DKK4: variants seen among roughly 807,000 people sequenced by gnomAD.
DKK4 encodes dickkopf Wnt signaling pathway inhibitor 4.
DKK4 carries 15 observed loss-of-function variants against 14.5 expected under a neutral mutation model. The observed-to-expected ratio is 1.03, with a 90% confidence interval of 0.69 to 1.59. The LOEUF is 1.59. DKK4 is among the 40% of genes most tolerant of loss of function. The pLI is 0.00. For missense variants in DKK4, 272 were observed against 280.3 expected, an observed-to-expected ratio of 0.97 and a Z score of 0.21; for synonymous variants, 89 against 105.2, an observed-to-expected ratio of 0.85 and a Z score of 0.94.
upstream of DKK4, among the ~76,000 whole-genome samples, chr8:42,379,799 G>A (rs1030735754): frequency 2.6e-5 from 4 of 152,030 alleles, no homozygotes; most frequent in African/African-American, 4.8e-5. Context: ...GTGTGGCTGC[G>A]GCAGATGATG....
At chr8:42,375,370 A>C (rs1288285697) in intron 2 of DKK4, among the ~76,000 whole-genome samples, 3 of 152,064 alleles carry the variant, frequency 2.0e-5, no homozygotes, top group Non-Finnish European at 2.9e-5. Context: ...GTGAAACCCT[A>C]TCTCTACTAA....
At chr8:42,380,062 C>A (rs553962355), upstream of DKK4, among the ~76,000 whole-genome samples, 80 of 152,134 alleles carry the variant, frequency 5.3e-4, 1 homozygote, top group Non-Finnish European at 1.0e-3. Context: ...CCTGGGCATG[C>A]CAGCACTTGC....
In DKK4 at chr8:42,374,825, C is replaced by T. The variant is rs1268905669; in HGVS notation, c.351G>A (p.Gly117=). The stretch of plus-strand genomic sequence containing the variant: ...TGGGTTGGTTTTCCTGGACTGGGTG[C>T]CCAGTTGTTCCTTCTGCATGTGTGC... ...QDGTHAEGTT[G]HPVQENQPKR... Residue 117 remains glycine (G), a synonymous_variant, in exon 3 of 4, where the codon GGG becomes GGA. Transcript: ENST00000220812. 3 of 1,614,172 alleles carry T rather than the reference C, an allele frequency of 1.9e-6. No homozygotes were observed. Among genetic ancestry groups the T allele is most frequent in the East Asian group, 2.2e-5 (1 of 44,882 alleles).
At chr8:42,385,432 G>T in the DKK4 span, among the ~76,000 whole-genome samples, 2 of 152,066 alleles carry the variant, frequency 1.3e-5, no homozygotes, top group East Asian at 3.9e-4. Flanking sequence ...ACACAAATTA[G>T]ATTCTGACTT....
rs142986794 is a variant in DKK4 at position 42,375,719 on chromosome 8, G to T, written c.223C>A (p.Arg75=). The T allele has an allele frequency of 1.9e-5, 30 of 1,613,662 alleles. No homozygotes were observed. The highest frequency in any genetic ancestry group is 2.2e-5 in the Non-Finnish European group (26 of 1,180,024). The change falls in exon 2 of 4, where the codon CGA becomes AGA. Residue 75 remains arginine (R), a synonymous_variant. Transcript: ENST00000220812. ...GTCCCAGGGCAGCACATGGCATCTC[G>T]CTGGCACCTCCTCCGCAACCCACGA... ...TCRGLRRRCQ[R]DAMCCPGTLC...
chr8:42,381,166 G>A (rs1824673468), upstream of DKK4, among the ~76,000 whole-genome samples: 1 of 151,882 alleles, frequency 6.6e-6, no homozygotes, highest in African/African-American at 2.4e-5. Flanking sequence ...GGAGTCTGAA[G>A]TTCGAGCTGC....
At chr8:42,382,000 A>G (rs768112345), upstream of DKK4, among the ~76,000 whole-genome samples, 38 of 152,194 alleles carry the variant, frequency 2.5e-4, no homozygotes, top group Admixed American at 7.9e-4. Flanking sequence ...CCATCTAAAA[A>G]ACAAAAACAA....
intron 1 of DKK4, among the ~76,000 whole-genome samples, chr8:42,376,138 T>C (rs553368426): frequency 5.3e-5 from 8 of 152,344 alleles, no homozygotes; most frequent in African/African-American, 1.9e-4. Flanking sequence ...CAGGTGAGTA[T>C]GAGATTTTCA....
At chr8:42,385,922 A>T in the DKK4 span, among the ~76,000 whole-genome samples, 3 of 152,256 alleles carry the variant, frequency 2.0e-5, no homozygotes, top group African/African-American at 7.2e-5. Context: ...CTATGCAGTC[A>T]TGTATACATA....
At chr8:42,389,733 G>A in the DKK4 span, among the ~76,000 whole-genome samples, 1 of 152,072 alleles carries the variant, frequency 6.6e-6, no homozygotes, top group Non-Finnish European at 1.5e-5. Context: ...GTTCCACCTC[G>A]ATTAACCAAT....
At chr8:42,374,984 T>C in intron 2 of DKK4, 71 bp from the exon 3 acceptor site, 1 of 1,515,738 alleles carries the variant, frequency 6.6e-7, no homozygotes, top group Non-Finnish European at 9.1e-7. Flanking sequence ...CTAATTATCC[T>C]ACTGTTGCAT....
At chr8:42,375,876 G>A (rs755222273) in intron 1 of DKK4, 46 bp from the exon 2 acceptor site, 18 of 1,600,160 alleles carry the variant, frequency 1.1e-5, no homozygotes, top group Non-Finnish European at 1.5e-5. Context: ...CCCCCAACAC[G>A]ATGGAAGATG....
intron 1 of DKK4, 48 bp downstream of exon 1, chr8:42,376,887 C>T (rs756248648): frequency 2.7e-6 from 4 of 1,479,828 alleles, no homozygotes; most frequent in Admixed American, 1.7e-5. Flanking sequence ...ACAAAACACC[C>T]CAGCTGTCAG....
At chr8:42,378,260 A>AT (rs946664684), upstream of DKK4, among the ~76,000 whole-genome samples, 4 of 152,094 alleles carry the variant, frequency 2.6e-5, no homozygotes, top group Admixed American at 6.5e-5. Context: ...TCTAAAATGC[A>AT]TTTTTTCTAT....
At chr8:42,385,524 G>A in the DKK4 span, among the ~76,000 whole-genome samples, 2 of 152,126 alleles carry the variant, frequency 1.3e-5, no homozygotes, top group African/African-American at 4.8e-5. Flanking sequence ...GTGAGGCTCT[G>A]GGGACACATG....
At chr8:42,377,365 T>C (rs1041212111), upstream of DKK4, 4 of 259,064 alleles carry the variant, frequency 1.5e-5, no homozygotes, top group East Asian at 7.8e-5. Flanking sequence ...AAGGACTCAA[T>C]AGAAGGAGAG....
chr8:42,380,086 T>A (rs1824645383), upstream of DKK4, among the ~76,000 whole-genome samples: 1 of 152,052 alleles, frequency 6.6e-6, no homozygotes. Context: ...TAGTCTCTGT[T>A]ACTTGGGAAG....
chr8:42,390,140 C>T, the DKK4 span, among the ~76,000 whole-genome samples: 1 of 152,058 alleles, frequency 6.6e-6, no homozygotes, highest in African/African-American at 2.4e-5. Flanking sequence ...GTGATCCGCC[C>T]CCCTCGGCCT....
upstream of DKK4, among the ~76,000 whole-genome samples, chr8:42,381,871 C>T (rs1480831238): frequency 6.6e-6 from 1 of 152,166 alleles, no homozygotes; most frequent in Non-Finnish European, 1.5e-5. Context: ...ATGGCACACA[C>T]CTGTAATCCC....
Sources: allele counts gnomAD v4.1 joint callset (sites outside exome capture counted in the v4.1 genomes callset), GRCh38; gene constraint gnomAD v4.1.1; transcripts MANE v1.5; gene names NCBI Gene and HGNC (gene_info 2026-07-23, HGNC 2026-07-21).